Variants in MIPEP observed in about 807,000 individuals in gnomAD.
The protein encoded by MIPEP is mitochondrial intermediate peptidase.
In MIPEP, 79 loss-of-function variants were observed where a neutral mutation model predicts 90.3. The ratio of observed to expected loss-of-function variants is 0.87; its 90% CI spans 0.73 to 1.05. The LOEUF (loss-of-function observed/expected upper bound fraction) is 1.05, where lower values mean the gene tolerates loss of function less well. Ranked by LOEUF, MIPEP falls within the 50% of genes least tolerant of loss-of-function variation. MIPEP has a pLI of 0.00. For synonymous variants in MIPEP, 334 were observed against 315.8 expected (o/e 1.06, Z -0.61); for missense variants, 940 against 905.6 (o/e 1.04, Z -0.49).
intron 16 of MIPEP, among the ~76,000 whole-genome samples, chr13:23,770,252 C>T (rs1189889239): frequency 6.6e-6 from 1 of 152,180 alleles, no homozygotes; most frequent in Non-Finnish European, 1.5e-5. Context: ...GTGCTCCAGA[C>T]ATGCCACTGA....
chr13:23,834,019 C>T (rs1215397734), intron 14 of MIPEP, among the ~76,000 whole-genome samples: 1 of 152,104 alleles, frequency 6.6e-6, no homozygotes, highest in Admixed American at 6.5e-5. Context: ...TTTGCTGTCC[C>T]CTGCCTCCCA....
chr13:23,785,242 A>G (rs2137367679), intron 16 of MIPEP, among the ~76,000 whole-genome samples: 2 of 152,280 alleles, frequency 1.3e-5, no homozygotes, highest in Non-Finnish European at 2.9e-5. Context: ...ACCAACCCAA[A>G]TGTCCAACAA....
In MIPEP at chr13:23,735,319, C is replaced by T. The variant is rs939487074; in HGVS notation, c.2045-4874G>A. On this transcript the variant is annotated intron_variant, in intron 18 of 18. Coordinates refer to ENST00000382172, the MANE Select transcript of MIPEP (RefSeq NM_005932.4). ...AGGGGAGCTTCTTCCTTTTCCCTTC[C>T]CTCTTGCTTCTTCTTGCCTATTAAA... 4.6e-5 allele frequency among the ~76,000 whole-genome samples: 7 copies of T among 152,254 alleles called. No homozygotes were observed. The East Asian group carries it at 9.7e-4, about 21-fold the overall frequency.
intron 16 of MIPEP, among the ~76,000 whole-genome samples, chr13:23,799,079 C>A (rs1330594712): frequency 7.3e-6 from 1 of 136,058 alleles, no homozygotes; most frequent in Non-Finnish European, 1.5e-5. Context: ...TTTCGGCTCA[C>A]TGCAACTGCC....
At chr13:23,821,976 C>T (rs1027079743) in intron 14 of MIPEP, among the ~76,000 whole-genome samples, 4 of 152,058 alleles carry the variant, frequency 2.6e-5, no homozygotes. Context: ...TGGGAAAATG[C>T]ACCAAGAGCC....
intron 12 of MIPEP, among the ~76,000 whole-genome samples, chr13:23,839,270 G>A (rs577168461): frequency 1.3e-5 from 2 of 152,330 alleles, no homozygotes; most frequent in African/African-American, 2.4e-5. Flanking sequence ...TTCTGGCCAA[G>A]TAGCTTAACC....
chr13:23,873,247 A>G lies in MIPEP; in HGVS notation c.603+1599T>C, dbSNP rs1045403719. ...GGAGGACACTGTGTATGAGGGGCTGACAGCCGGAGCACAGCCACGAGTGTG... is the reference window on the plus strand; with the variant it reads ...GGAGGACACTGTGTATGAGGGGCTGGCAGCCGGAGCACAGCCACGAGTGTG... On this transcript the variant is annotated intron_variant, in intron 5 of 18. Coordinates refer to ENST00000382172, the MANE Select transcript of MIPEP (RefSeq NM_005932.4). 4.6e-5 allele frequency among the ~76,000 whole-genome samples: 7 copies of G among 152,388 alleles called. No homozygotes were observed. In the East Asian group the frequency reaches 1.2e-3, roughly 25 times the overall value.
chr13:23,784,808 C>G (rs970944815), intron 16 of MIPEP, among the ~76,000 whole-genome samples: 14 of 151,996 alleles, frequency 9.2e-5, no homozygotes, highest in African/African-American at 3.1e-4. Context: ...AACAAACAAC[C>G]CCATCAAAAA....
chr13:23,818,053 C>CACATGTTTCCTGTAACTCCGTGTCATTGT (rs1284506886), intron 14 of MIPEP, among the ~76,000 whole-genome samples: 1 of 151,888 alleles, frequency 6.6e-6, no homozygotes, highest in African/African-American at 2.4e-5. Context: ...CACAGTTGGG[C>CACATGTTTCCTGTAACTCCGTGTCATTGT]CATACACTTA....
Position 23,874,942 on chromosome 13 carries a change from G to A in MIPEP, c.540-33C>T, listed in dbSNP as rs752904357. ...TGAAATGAGCCCCAGGTTATAACAG[G>A]TAATAAAAATTGCTAACAAAAAAAT... On this transcript the variant is annotated intron_variant, in intron 4 of 18. Coordinates refer to ENST00000382172, the MANE Select transcript of MIPEP (RefSeq NM_005932.4). The A allele has an allele frequency of 7.8e-6, 12 of 1,529,818 alleles. No homozygotes were observed. In the South Asian group the frequency reaches 1.4e-4, roughly 17 times the overall value. 94.8% of individuals were successfully genotyped at this position (1,529,818 alleles called of 1,614,324 possible). A position where few individuals can be genotyped will look rare whatever the true frequency, so the allele number is the denominator to read the frequency against.
intron 16 of MIPEP, among the ~76,000 whole-genome samples, chr13:23,771,098 T>C (rs375066007): frequency 1.3e-5 from 2 of 152,164 alleles, no homozygotes; most frequent in East Asian, 3.9e-4. Flanking sequence ...ACAGTCACAC[T>C]GCAACAAGTG....
In MIPEP at chr13:23,756,817, C is replaced by T. The variant is rs909654882; in HGVS notation, c.1971-199G>A. 4.3e-5 allele frequency: 25 copies of T among 581,986 alleles called. No individual in the cohort carries two copies. In the African/African-American group the frequency reaches 4.5e-4, roughly 10 times the overall value. The allele number at this position is 581,986 out of a possible 1,614,324, so 36.1% of individuals were successfully genotyped here. A position where few individuals can be genotyped will look rare whatever the true frequency, so the allele number is the denominator to read the frequency against. On this transcript the variant is annotated intron_variant, in intron 17 of 18. Transcript: ENST00000382172. ...CTAAAATAAATTAAATCAGGTGTGA[C>T]ATATTCCCTGTAAGAGGATAACTAT... is the stretch of plus-strand genomic sequence containing the variant.
At chr13:23,742,037 C>T (rs773323883) in intron 18 of MIPEP, among the ~76,000 whole-genome samples, 11 of 152,122 alleles carry the variant, frequency 7.2e-5, no homozygotes, top group Admixed American at 1.3e-4. Context: ...ACAATAGCCC[C>T]GTGGGGCCTT....
chr13:23,875,576 A>G (rs2137527799), intron 4 of MIPEP, among the ~76,000 whole-genome samples: 1 of 151,662 alleles, frequency 6.6e-6, no homozygotes, highest in Non-Finnish European at 1.5e-5. Flanking sequence ...AACCAACAAC[A>G]TTGAATGGAA....
intron 18 of MIPEP, among the ~76,000 whole-genome samples, chr13:23,747,839 C>G (rs1474864091): frequency 6.6e-6 from 1 of 151,968 alleles, no homozygotes; most frequent in Non-Finnish European, 1.5e-5. Flanking sequence ...CTCCCGGGTT[C>G]AAGTGATTCT....
At chr13:23,731,606 A>G (rs1952205546) in intron 18 of MIPEP, among the ~76,000 whole-genome samples, 1 of 152,228 alleles carries the variant, frequency 6.6e-6, no homozygotes, top group Admixed American at 6.5e-5. Flanking sequence ...GGACACAGAA[A>G]GCAATGCATA....
At chr13:23,752,497 C>T (rs796313038) in intron 18 of MIPEP, among the ~76,000 whole-genome samples, 2 of 152,230 alleles carry the variant, frequency 1.3e-5, no homozygotes, top group African/African-American at 4.8e-5. Context: ...TCATGCTCAC[C>T]ATAGCATACT....
At position 23,737,870 on chromosome 13, in the gene MIPEP, C is replaced by T. The variant is rs115361382; in HGVS notation, c.2045-7425G>A. On this transcript the variant is annotated intron_variant, in intron 18 of 18. Transcript: ENST00000382172. ...TTCATAAATACAGGGGATTACCAGG[C>T]AATTAAAAAGTAGAATTATTTTAAA... Among the ~76,000 whole-genome samples, 310 of 152,148 alleles carry T rather than the reference C, an allele frequency of 2.0e-3. 1 individual carries two copies. The highest frequency in any genetic ancestry group is 7.4e-3 in the African/African-American group (306 of 41,498).
At chr13:23,869,203 T>C (rs1870669022) in intron 7 of MIPEP, 89 bp downstream of exon 7, 1 of 1,222,866 alleles carries the variant, frequency 8.2e-7, no homozygotes, top group East Asian at 2.4e-5. Context: ...GTATTAAAAA[T>C]AGAACACTAA....
Sources: allele counts gnomAD v4.1 joint callset (sites outside exome capture counted in the v4.1 genomes callset), GRCh38; gene constraint gnomAD v4.1.1; transcripts MANE v1.5; gene names NCBI Gene and HGNC (gene_info 2026-07-23, HGNC 2026-07-21).